Variants in DNER observed in about 807,000 individuals in gnomAD.
DNER encodes the protein delta/notch like EGF repeat containing, also known as delta and Notch-like epidermal growth factor-related receptor.
A neutral mutation model predicts 78.2 loss-of-function variants in DNER; 33 were observed. That is an observed-to-expected ratio of 0.42 (90% CI 0.32 to 0.56). DNER has a LOEUF of 0.56. Ranked by LOEUF, DNER falls within the 20% of genes least tolerant of loss-of-function variation. The probability of loss-of-function intolerance (pLI) is 0.11; values close to 1 mark genes in which losing one functional copy is unlikely to be tolerated. For synonymous variants in DNER, 417 were observed against 384.8 expected, an observed-to-expected ratio of 1.08 and a Z score of -0.98; for missense variants, 918 against 975.3, an observed-to-expected ratio of 0.94 and a Z score of 0.78.
chr2:229,665,626 CA>C (rs1215157975), intron 1 of DNER, among the ~76,000 whole-genome samples: 1 of 152,008 alleles, frequency 6.6e-6, no homozygotes, highest in Non-Finnish European at 1.5e-5. Context: ...TAAAAAATGC[CA>C]AATTGTCAGT....
At chr2:229,576,328 CT>C (rs61419138) in intron 4 of DNER, among the ~76,000 whole-genome samples, 77,132 of 118,068 alleles carry the variant, frequency 0.65, 23,890 homozygotes, top group South Asian at 0.73. Flanking sequence ...GTTTCTCTCT[CT>C]TTTTTTTTTT....
At chr2:229,376,190 A>T (rs1692596302) in intron 11 of DNER, among the ~76,000 whole-genome samples, 1 of 152,148 alleles carries the variant, frequency 6.6e-6, no homozygotes, top group African/African-American at 2.4e-5. Context: ...CAAACTAATA[A>T]ACTAATCAAC....
intron 1 of DNER, among the ~76,000 whole-genome samples, chr2:229,698,123 G>A (rs753972232): frequency 3.3e-5 from 5 of 152,196 alleles, no homozygotes; most frequent in African/African-American, 4.8e-5. Flanking sequence ...AGGAACACTT[G>A]AGCCCAGGAG....
intron 8 of DNER, among the ~76,000 whole-genome samples, chr2:229,443,845 C>T (rs1033519687): frequency 3.9e-5 from 6 of 152,192 alleles, no homozygotes; most frequent in African/African-American, 1.2e-4. Flanking sequence ...AGAAATTTCA[C>T]ATTCACAGAC....
chr2:229,499,931 C>CTTTT (rs58019962), intron 6 of DNER, among the ~76,000 whole-genome samples: 66 of 134,834 alleles, frequency 4.9e-4, no homozygotes, highest in Non-Finnish European at 3.1e-4. Context: ...GACTTTCTTT[C>CTTTT]TTTTTTTTTT....
At chr2:229,387,519 G>GA (rs1411689829) in intron 11 of DNER, among the ~76,000 whole-genome samples, 3 of 100,856 alleles carry the variant, frequency 3.0e-5, no homozygotes, top group Non-Finnish European at 4.2e-5. Flanking sequence ...GAGAAAGAAA[G>GA]AAAGAAAGAA....
chr2:229,558,040 T>C, intron 4 of DNER, among the ~76,000 whole-genome samples: 1 of 152,180 alleles, frequency 6.6e-6, no homozygotes, highest in East Asian at 1.9e-4. Flanking sequence ...TGGAATACTA[T>C]GCAGCCATAA....
chr2:229,411,688 T>C (rs1348612728), intron 9 of DNER, among the ~76,000 whole-genome samples: 1 of 152,180 alleles, frequency 6.6e-6, no homozygotes, highest in Non-Finnish European at 1.5e-5. Context: ...CCAGAAATAT[T>C]TGTAATAGCC....
rs372818940 is a variant in DNER, at chr2:229,651,010, GA to G, written c.277-59123del. Among the ~76,000 whole-genome samples the G allele has an allele frequency of 3.8e-3, 573 of 152,238 alleles. 5 individuals are homozygous for G. The highest frequency in any genetic ancestry group is 0.013 in the African/African-American group (526 of 41,548). On this transcript the variant is annotated intron_variant, in intron 1 of 12. Transcript: ENST00000341772. ...ACATTTCTCTTTGGGAGGCTTAGTG[GA>G]ACTATCAATCAAGGCATGCCTAAAG... is the stretch of plus-strand genomic sequence containing the variant.
intron 1 of DNER, among the ~76,000 whole-genome samples, chr2:229,705,597 T>A (rs985853791): frequency 3.3e-5 from 5 of 152,118 alleles, no homozygotes; most frequent in African/African-American, 1.2e-4. Flanking sequence ...AGCAGTACAG[T>A]AAGAGTAATG....
intron 1 of DNER, among the ~76,000 whole-genome samples, chr2:229,605,803 G>T (rs528013309): frequency 5.5e-4 from 83 of 152,090 alleles, no homozygotes; most frequent in Non-Finnish European, 8.5e-4. Context: ...GAGGAGGGAG[G>T]ATTGCTTGAA....
chr2:229,451,454 C>G (rs562092666), intron 7 of DNER, among the ~76,000 whole-genome samples: 2 of 152,150 alleles, frequency 1.3e-5, no homozygotes, highest in Non-Finnish European at 2.9e-5. Flanking sequence ...AAGACTCTGT[C>G]TCGAAAAATA....
At chr2:229,648,762 T>G in intron 1 of DNER, among the ~76,000 whole-genome samples, 1 of 152,254 alleles carries the variant, frequency 6.6e-6, no homozygotes, top group East Asian at 1.9e-4. Flanking sequence ...TCTACATATG[T>G]GCTCTGATTA....
chr2:229,529,110 C>T (rs1448204862), intron 5 of DNER, among the ~76,000 whole-genome samples: 2 of 152,114 alleles, frequency 1.3e-5, no homozygotes, highest in African/African-American at 4.8e-5. Flanking sequence ...CTCACAGTTT[C>T]ATTTATTTTA....
rs150781343 is a variant in DNER at position 229,599,952 on chromosome 2, C to G, written c.277-8064G>C. Among the ~76,000 whole-genome samples, 102 of 152,244 alleles carry G rather than the reference C, an allele frequency of 6.7e-4. 1 individual carries two copies. The highest frequency in any genetic ancestry group is 2.4e-3 in the African/African-American group (98 of 41,544). On this transcript the variant is annotated intron_variant, in intron 1 of 12. Transcript: ENST00000341772. ...AAAAGGAAAGAATGAAGAAGGGAAG[C>G]AGGTAACTAGAATGGACCATTGTTT...
At chr2:229,662,481 A>G (rs1699024291) in intron 1 of DNER, among the ~76,000 whole-genome samples, 1 of 152,166 alleles carries the variant, frequency 6.6e-6, no homozygotes, top group African/African-American at 2.4e-5. Flanking sequence ...AAGGCAAAAT[A>G]ACTTGTTCAA....
intron 10 of DNER, among the ~76,000 whole-genome samples, chr2:229,405,560 A>T (rs1693361743): frequency 6.6e-6 from 1 of 151,862 alleles, no homozygotes; most frequent in Admixed American, 6.6e-5. Flanking sequence ...ACTATAGGGC[A>T]GCCAGTAAAA....
chr2:229,600,150 A>C (rs781273099), intron 1 of DNER, among the ~76,000 whole-genome samples: 14 of 152,230 alleles, frequency 9.2e-5, no homozygotes, highest in Non-Finnish European at 1.8e-4. Flanking sequence ...AGAAATTGTT[A>C]GTACAAATTA....
intron 8 of DNER, among the ~76,000 whole-genome samples, chr2:229,431,211 G>C (rs1693996958): frequency 6.6e-6 from 1 of 152,108 alleles, no homozygotes; most frequent in African/African-American, 2.4e-5. Flanking sequence ...CCTTAAAAAT[G>C]AGCATTCTCC....
Sources: allele counts gnomAD v4.1 joint callset (sites outside exome capture counted in the v4.1 genomes callset), GRCh38; gene constraint gnomAD v4.1.1; transcripts MANE v1.5; gene names NCBI Gene and HGNC (gene_info 2026-07-23, HGNC 2026-07-21).